TMC2: variants seen among roughly 807,000 people sequenced by gnomAD.
TMC2 encodes the protein transmembrane channel-like protein 2.
Under a neutral mutation model 105.9 loss-of-function variants are expected in TMC2, and 102 were observed. The observed-to-expected ratio is 0.96, with a 90% CI of 0.82 to 1.14. The LOEUF (loss-of-function observed/expected upper bound fraction) is 1.14, where lower values mean the gene tolerates loss of function less well. Among genes scored for constraint, TMC2 ranks in the 50% most tolerant of loss-of-function variants. The probability of loss-of-function intolerance (pLI) is 0.00; values close to 1 mark genes in which losing one functional copy is unlikely to be tolerated. For synonymous variants in TMC2, 402 were observed against 422.8 expected (o/e 0.95, Z 0.60); for missense variants, 1,093 against 1,134.3 (o/e 0.96, Z 0.52).
At chr20:2,594,038 C>A (rs535789804) in intron 8 of TMC2, among the ~76,000 whole-genome samples, 1 of 152,216 alleles carries the variant, frequency 6.6e-6, no homozygotes, top group East Asian at 1.9e-4. Flanking sequence ...TTGTGAGCTT[C>A]ATACTCCCAT....
intron 10 of TMC2, among the ~76,000 whole-genome samples, chr20:2,599,653 G>A (rs1378710573): frequency 6.8e-6 from 1 of 147,918 alleles, no homozygotes; most frequent in Non-Finnish European, 1.5e-5. Context: ...TGTTGCCCAG[G>A]CTGGTCTCAA....
chr20:2,614,799 A>T (rs908393211), intron 14 of TMC2, among the ~76,000 whole-genome samples: 1 of 151,902 alleles, frequency 6.6e-6, no homozygotes, highest in Admixed American at 6.6e-5. Flanking sequence ...GGAAAGGATT[A>T]TATTAAAATA....
chr20:2,606,520 A>G (rs1280395284), intron 11 of TMC2, among the ~76,000 whole-genome samples: 5 of 152,194 alleles, frequency 3.3e-5, no homozygotes, highest in Non-Finnish European at 7.3e-5. Flanking sequence ...TCAGCCTCCC[A>G]AAGTGCTGGG....
intron 4 of TMC2, among the ~76,000 whole-genome samples, chr20:2,571,673 T>C (rs1457359107): frequency 3.3e-5 from 5 of 152,202 alleles, no homozygotes; most frequent in Admixed American, 1.3e-4. Context: ...ACTGGGGCCA[T>C]GCAGATGACC....
chr20:2,538,609 G>A (rs1343463901), intron 2 of TMC2, among the ~76,000 whole-genome samples: 2 of 152,138 alleles, frequency 1.3e-5, no homozygotes, highest in African/African-American at 2.4e-5. Flanking sequence ...TGTGCTGTGC[G>A]GGACTCCCCT....
At chr20:2,542,839 G>A (rs1388448823) in intron 2 of TMC2, among the ~76,000 whole-genome samples, 2 of 151,438 alleles carry the variant, frequency 1.3e-5, no homozygotes, top group African/African-American at 4.8e-5. Flanking sequence ...CTACAGGCGA[G>A]CACTACCACG....
intron 17 of TMC2, among the ~76,000 whole-genome samples, chr20:2,632,020 G>C (rs1167572915): frequency 6.8e-6 from 1 of 146,992 alleles, no homozygotes; most frequent in Non-Finnish European, 1.5e-5. Context: ...CAAGTTCATT[G>C]ATTCTTTTTT....
intron 2 of TMC2, among the ~76,000 whole-genome samples, chr20:2,555,549 A>G (rs1256652452): frequency 2.0e-5 from 3 of 152,154 alleles, no homozygotes; most frequent in Non-Finnish European, 4.4e-5. Flanking sequence ...GGATTCTTAT[A>G]GACAGCATAT....
intron 17 of TMC2, among the ~76,000 whole-genome samples, chr20:2,628,560 T>C (rs568996519): frequency 1.0e-3 from 154 of 151,938 alleles, no homozygotes; most frequent in African/African-American, 3.6e-3. Context: ...ATGGAGGCAG[T>C]TCCCCCCGTG....
chr20:2,560,830 C>T (rs540631149), intron 3 of TMC2, among the ~76,000 whole-genome samples: 60 of 110,766 alleles, frequency 5.4e-4, no homozygotes, highest in African/African-American at 2.2e-3. Flanking sequence ...GAGCAAGACT[C>T]CATCTCAAAA....
At chr20:2,537,930 C>T (rs900991646) in intron 2 of TMC2, among the ~76,000 whole-genome samples, 1 of 152,268 alleles carries the variant, frequency 6.6e-6, no homozygotes, top group Non-Finnish European at 1.5e-5. Flanking sequence ...CTGTTTTCTC[C>T]CCCTTCACGT....
intron 7 of TMC2, among the ~76,000 whole-genome samples, chr20:2,582,498 C>G (rs1422652222): frequency 6.6e-6 from 1 of 152,014 alleles, no homozygotes; most frequent in African/African-American, 2.4e-5. Flanking sequence ...GAGAGAGAGA[C>G]AGAGCCTCAT....
chr20:2,613,066 T>A, intron 13 of TMC2, 128 bp from the exon 14 acceptor site: 3 of 1,278,302 alleles, frequency 2.3e-6, no homozygotes, highest in African/African-American at 1.5e-5. Context: ...ACACAAAGGA[T>A]CAGAGGGTCA....
chr20:2,586,005 C>A (rs972586992), intron 7 of TMC2, among the ~76,000 whole-genome samples: 7 of 152,192 alleles, frequency 4.6e-5, no homozygotes, highest in African/African-American at 1.2e-4. Context: ...AGGCAGGGAT[C>A]ATGTGAGCCA....
intron 4 of TMC2, among the ~76,000 whole-genome samples, chr20:2,563,894 T>C (rs1035330675): frequency 3.9e-5 from 6 of 151,996 alleles, no homozygotes; most frequent in African/African-American, 1.5e-4. Context: ...ACCTGGCTAA[T>C]TTTTAAATTT....
Position 2,637,557 on chromosome 20 carries a change from CAA to C in TMC2, c.2473_2474del (p.Asn825CysfsTer202). ...CAGAGGACACACCTAAAAGCAGCTCCAAAAATGCCACCCAGCTCCAACTCACC... is the reference window on the plus strand; with the variant it reads ...CAGAGGACACACCTAAAAGCAGCTCCAAATGCCACCCAGCTCCAACTCACC... ...DSEDTPKSSS[K>X]NATQLQLTKE... On this transcript the variant is annotated frameshift_variant, in exon 19 of 20. Coordinates refer to ENST00000358864, the MANE Select transcript of TMC2 (RefSeq NM_080751.3). LOFTEE classifies it low-confidence loss of function (END_TRUNC). 6.2e-6 allele frequency: 10 copies of C among 1,613,906 alleles called. No homozygotes were observed. The highest frequency in any genetic ancestry group is 7.6e-6 in the Non-Finnish European group (9 of 1,179,920).
chr20:2,603,454 G>T (rs2086366443), intron 11 of TMC2, among the ~76,000 whole-genome samples: 1 of 152,090 alleles, frequency 6.6e-6, no homozygotes, highest in South Asian at 2.1e-4. Context: ...AGATGTAAAT[G>T]GATTTGATGC....
chr20:2,581,742 G>C (rs2086191559), intron 7 of TMC2, among the ~76,000 whole-genome samples: 1 of 152,150 alleles, frequency 6.6e-6, no homozygotes. Flanking sequence ...GGCAGGTTTG[G>C]GGGAAGTTGA....
intron 6 of TMC2, 34 bp from the exon 7 acceptor site, chr20:2,579,916 C>T (rs774542721): frequency 1.4e-6 from 2 of 1,461,424 alleles, no homozygotes; most frequent in Admixed American, 3.4e-5. Flanking sequence ...TTTCCTTCTG[C>T]AGCACTCATA....
Sources: gnomAD v4.1 joint callset for allele counts (sites outside exome capture counted in the v4.1 genomes callset) on GRCh38, gnomAD v4.1.1 for gene constraint, MANE v1.5 for transcripts, NCBI Gene and HGNC (gene_info 2026-07-23, HGNC 2026-07-21) for gene names.